The following FSTL5 variants were observed in gnomAD, a reference collection of about 807,000 sequenced individuals.
FSTL5 encodes follistatin like 5.
In FSTL5, 62 loss-of-function variants were observed where a neutral mutation model predicts 89.1. The ratio of observed to expected loss-of-function variants is 0.70; its 90% CI spans 0.57 to 0.86. The LOEUF is 0.86. Ranked by LOEUF, FSTL5 falls within the 40% of genes least tolerant of loss-of-function variation. The pLI, the probability that FSTL5 is intolerant of heterozygous loss-of-function variation, is 0.00. For missense variants in FSTL5, 1,057 were observed against 1,001.6 expected (o/e 1.06, Z -0.75); for synonymous variants, 383 against 346.2 (o/e 1.11, Z -1.18).
At chr4:161,933,505 G>A (rs970578070) in intron 3 of FSTL5, among the ~76,000 whole-genome samples, 1 of 151,922 alleles carries the variant, frequency 6.6e-6, no homozygotes, top group African/African-American at 2.4e-5. Context: ...TAAAAAAGTT[G>A]TCACATGAGA....
At chr4:161,486,180 C>T (rs1237724702) in intron 12 of FSTL5, among the ~76,000 whole-genome samples, 1 of 149,326 alleles carries the variant, frequency 6.7e-6, no homozygotes, top group Non-Finnish European at 1.5e-5. Context: ...ATATCTGGTT[C>T]TCTGCGTAAT....
intron 7 of FSTL5, among the ~76,000 whole-genome samples, chr4:161,611,742 G>A (rs1397858623): frequency 6.6e-6 from 1 of 152,140 alleles, no homozygotes; most frequent in Non-Finnish European, 1.5e-5. Flanking sequence ...AGATGCAATG[G>A]TGATAAAAGG....
At chr4:162,053,233 T>C (rs917960016) in intron 2 of FSTL5, among the ~76,000 whole-genome samples, 1 of 151,718 alleles carries the variant, frequency 6.6e-6, no homozygotes, top group Admixed American at 6.6e-5. Context: ...AAAGGAAAAA[T>C]ACTTTCCTGA....
At chr4:162,028,823 G>A (rs1056286696) in intron 3 of FSTL5, among the ~76,000 whole-genome samples, 8 of 152,108 alleles carry the variant, frequency 5.3e-5, no homozygotes, top group Non-Finnish European at 8.8e-5. Context: ...ATGGCTTTCA[G>A]TACTAAGAAT....
At chr4:162,058,480 G>A (rs1451070289) in intron 2 of FSTL5, among the ~76,000 whole-genome samples, 1 of 138,142 alleles carries the variant, frequency 7.2e-6, no homozygotes, top group East Asian at 2.2e-4. Flanking sequence ...AGGCTAGAGT[G>A]CAGAGGCATG....
intron 3 of FSTL5, among the ~76,000 whole-genome samples, chr4:161,965,928 A>C (rs1735313338): frequency 6.6e-6 from 1 of 152,096 alleles, no homozygotes; most frequent in Admixed American, 6.6e-5. Flanking sequence ...TAGCTTATAA[A>C]CTTAAGGACT....
Position 161,504,484 on chromosome 4 carries a change from T to G in FSTL5, c.1340-4350A>C, listed in dbSNP as rs981181152. The stretch of plus-strand genomic sequence containing the variant: ...CAGATTGTTTTTCGTTTTTGTTTTT[T>G]TTTTCCTTTTTCAAGCTCTGGTGAA... On this transcript the variant is annotated intron_variant, in intron 11 of 15. Transcript: ENST00000306100. Among the ~76,000 whole-genome samples the G allele has an allele frequency of 2.0e-5, 3 of 151,728 alleles. No homozygotes were observed. The East Asian group carries it at 5.8e-4, about 29-fold the overall frequency.
intron 6 of FSTL5, among the ~76,000 whole-genome samples, chr4:161,669,076 C>T (rs1736995509): frequency 6.8e-6 from 1 of 147,790 alleles, no homozygotes; most frequent in Non-Finnish European, 1.5e-5. Context: ...TCCGCCACGG[C>T]CCTCCAGCCT....
intron 7 of FSTL5, among the ~76,000 whole-genome samples, chr4:161,602,479 C>T (rs912472718): frequency 4.0e-5 from 6 of 151,838 alleles, no homozygotes; most frequent in Non-Finnish European, 8.8e-5. Context: ...AAATACGTAC[C>T]ATGGGAATCA....
At chr4:162,081,896 A>G (rs13127736) in intron 2 of FSTL5, among the ~76,000 whole-genome samples, 1 of 151,270 alleles carries the variant, frequency 6.6e-6, no homozygotes, top group African/African-American at 2.4e-5. Flanking sequence ...AGCTCAGTAA[A>G]CAAAAATCAG....
chr4:162,158,104 C>G (rs2110757619), intron 1 of FSTL5, among the ~76,000 whole-genome samples: 2 of 152,110 alleles, frequency 1.3e-5, no homozygotes, highest in South Asian at 4.1e-4. Context: ...GCTAAGTAAT[C>G]TGAAGGATTA....
At chr4:161,734,397 A>C (rs1739719368) in intron 6 of FSTL5, among the ~76,000 whole-genome samples, 1 of 152,208 alleles carries the variant, frequency 6.6e-6, no homozygotes. Flanking sequence ...GGATGTGCTT[A>C]GTGTCCAGAC....
intron 8 of FSTL5, 55 bp downstream of exon 8, chr4:161,587,400 C>G (rs1733652158): frequency 6.3e-6 from 10 of 1,576,420 alleles, no homozygotes; most frequent in African/African-American, 1.4e-5. Context: ...GGCTTCACTT[C>G]CTAGTAAACT....
chr4:162,138,324 A>G (rs1170994057), intron 1 of FSTL5, among the ~76,000 whole-genome samples: 2 of 151,168 alleles, frequency 1.3e-5, no homozygotes, highest in Non-Finnish European at 2.9e-5. Flanking sequence ...AATTAGTTTG[A>G]TTGGTAGTTA....
At chr4:161,699,521 T>C (rs529594903) in intron 6 of FSTL5, among the ~76,000 whole-genome samples, 1 of 152,212 alleles carries the variant, frequency 6.6e-6, no homozygotes, top group Admixed American at 6.5e-5. Flanking sequence ...TTGTGATACC[T>C]TGGAAACTGT....
chr4:161,882,943 A>G (rs1732681753), intron 4 of FSTL5, among the ~76,000 whole-genome samples: 1 of 152,160 alleles, frequency 6.6e-6, no homozygotes, highest in African/African-American at 2.4e-5. Flanking sequence ...TTTACCCCAA[A>G]AAGACATTTC....
At chr4:162,004,527 T>C (rs968988292) in intron 3 of FSTL5, among the ~76,000 whole-genome samples, 20 of 152,280 alleles carry the variant, frequency 1.3e-4, no homozygotes, top group African/African-American at 4.6e-4. Context: ...TCAGGGTTTT[T>C]GCTCTTGCGG....
intron 3 of FSTL5, among the ~76,000 whole-genome samples, chr4:161,928,071 C>T (rs976340642): frequency 4.0e-5 from 6 of 151,788 alleles, no homozygotes; most frequent in African/African-American, 1.2e-4. Flanking sequence ...CCAAGTTTTA[C>T]CCTGAACCCT....
intron 1 of FSTL5, among the ~76,000 whole-genome samples, chr4:162,136,419 C>T (rs113685641): frequency 2.4e-3 from 367 of 152,078 alleles, no homozygotes; most frequent in African/African-American, 8.0e-3. Context: ...AAACTACTTA[C>T]TGAGAGTGTG....
Sources: gnomAD v4.1 joint callset for allele counts (sites outside exome capture counted in the v4.1 genomes callset) on GRCh38, gnomAD v4.1.1 for gene constraint, MANE v1.5 for transcripts, NCBI Gene and HGNC (gene_info 2026-07-23, HGNC 2026-07-21) for gene names.